The following NUP160 variants were observed in gnomAD, a reference collection of about 807,000 sequenced individuals.
NUP160 encodes the protein nuclear pore complex protein Nup160.
A neutral mutation model predicts 196.9 loss-of-function variants in NUP160; 94 were observed. That is an observed-to-expected ratio of 0.48 (90% CI 0.40 to 0.57). The LOEUF (loss-of-function observed/expected upper bound fraction) is 0.57, where lower values mean the gene tolerates loss of function less well. NUP160 is among the 20% of genes least tolerant of loss of function. NUP160 has a pLI of 0.00. For missense variants in NUP160, 1,638 were observed against 1,748.3 expected (o/e 0.94, Z 1.13); for synonymous variants, 605 against 619.7 (o/e 0.98, Z 0.35).
At chr11:47,809,641 G>A (rs944147076) in intron 17 of NUP160, among the ~76,000 whole-genome samples, 38 of 150,986 alleles carry the variant, frequency 2.5e-4, no homozygotes, top group Non-Finnish European at 5.5e-4. Context: ...CCAGCTACCT[G>A]GGAGGCTGAG....
intron 17 of NUP160, among the ~76,000 whole-genome samples, chr11:47,810,766 G>A (rs180928478): frequency 3.3e-5 from 5 of 151,842 alleles, no homozygotes; most frequent in Admixed American, 2.6e-4. Flanking sequence ...GGCTGGTCTC[G>A]AACTCCTGGC....
At chr11:47,796,360 T>C in intron 27 of NUP160, 1 of 612,328 alleles carries the variant, frequency 1.6e-6, no homozygotes, top group East Asian at 2.8e-5. Flanking sequence ...CAAATGGAAT[T>C]TATCCTTACA....
intron 29 of NUP160, among the ~76,000 whole-genome samples, chr11:47,791,323 AC>A (rs1267309665): frequency 6.6e-6 from 1 of 152,146 alleles, no homozygotes; most frequent in Non-Finnish European, 1.5e-5. Context: ...CACTAGTGAC[AC>A]TTCGTATGGG....
chr11:47,820,398 T>C (rs1017621523), intron 9 of NUP160: 1 of 152,160 alleles, frequency 6.6e-6, no homozygotes, highest in Non-Finnish European at 1.5e-5. Context: ...TTAGGTACAA[T>C]CAACATTAAA....
chr11:47,787,571 T>C (rs1407880459), intron 31 of NUP160, among the ~76,000 whole-genome samples: 1 of 150,484 alleles, frequency 6.6e-6, no homozygotes, highest in Non-Finnish European at 1.5e-5. Flanking sequence ...CTGAAATTAC[T>C]GTTGTGTGCC....
intron 2 of NUP160, among the ~76,000 whole-genome samples, chr11:47,843,115 C>CACATAGAT (rs1852337729): frequency 6.6e-6 from 1 of 152,178 alleles, no homozygotes; most frequent in Non-Finnish European, 1.5e-5. Flanking sequence ...TTCCCAACTG[C>CACATAGAT]ACATAGATAT....
At chr11:47,812,723 T>C (rs947442309) in intron 15 of NUP160, among the ~76,000 whole-genome samples, 159 bp downstream of exon 15, 3 of 152,234 alleles carry the variant, frequency 2.0e-5, no homozygotes, top group Admixed American at 1.3e-4. Flanking sequence ...GTGTTAAATT[T>C]TCTGTTAAAA....
exon 18 of NUP160, chr11:47,808,519 C>T (rs751920265): frequency 4.3e-6 from 7 of 1,613,672 alleles, no homozygotes; most frequent in Middle Eastern, 1.7e-4. Context: ...CTGACCAGTT[C>T]CCCAAATCAC....
intron 3 of NUP160, 135 bp from the exon 4 acceptor site, chr11:47,840,200 T>A: frequency 1.2e-6 from 1 of 851,758 alleles, no homozygotes; most frequent in Non-Finnish European, 1.9e-6. Context: ...TAATGAAAAC[T>A]AATTCTCAAC....
At chr11:47,801,703 G>T in intron 23 of NUP160, 108 bp downstream of exon 23, 1 of 1,058,700 alleles carries the variant, frequency 9.4e-7, no homozygotes, top group Non-Finnish European at 1.4e-6. Flanking sequence ...TGGAAGTTCA[G>T]GGAGCAACTG....
exon 26 of NUP160, chr11:47,797,980 C>T (rs1178650983): frequency 1.3e-6 from 2 of 1,572,476 alleles, no homozygotes; most frequent in Non-Finnish European, 1.7e-6. Context: ...AAAATTACCT[C>T]ATTATGCAGA....
chr11:47,841,598 G>C (rs1427177556), intron 2 of NUP160: 1 of 433,130 alleles, frequency 2.3e-6, no homozygotes, highest in Non-Finnish European at 4.6e-6. Flanking sequence ...AAGACAGCCA[G>C]TGTTACAAGG....
At chr11:47,786,612 T>G in intron 31 of NUP160, 58 bp from the exon 32 acceptor site, 1 of 1,043,574 alleles carries the variant, frequency 9.6e-7, no homozygotes, top group Non-Finnish European at 1.5e-6. Flanking sequence ...CCACTTTAAT[T>G]TGATACTAAA....
chr11:47,842,180 T>G (rs757706131), intron 2 of NUP160, among the ~76,000 whole-genome samples: 53 of 152,058 alleles, frequency 3.5e-4, no homozygotes, highest in Admixed American at 1.6e-3. Flanking sequence ...TCCTGTCCAT[T>G]TCTTCCCCTT....
chr11:47,831,894 C>CTTTTTTTTTTTTTTTTTTTTTT (rs554204043), intron 7 of NUP160, among the ~76,000 whole-genome samples: 2 of 69,982 alleles, frequency 2.9e-5, no homozygotes, highest in African/African-American at 1.2e-4. Context: ...TAATAAATTC[C>CTTTTTTTTTTTTTTTTTTTTTT]TTTTTTTTTT....
chr11:47,819,035 C>T (rs1001802537), intron 10 of NUP160, among the ~76,000 whole-genome samples: 2 of 151,972 alleles, frequency 1.3e-5, no homozygotes, highest in African/African-American at 2.4e-5. Context: ...GAGATTTGGC[C>T]GGGCACGGTG....
At position 47,840,607 on chromosome 11, in the gene NUP160, T is replaced by C. The variant is rs751534795; in HGVS notation, c.315-19A>G. The C allele has an allele frequency of 7.8e-6, 12 of 1,545,498 alleles. No individual in the cohort carries two copies. In the African/African-American group the frequency reaches 1.2e-4, roughly 16 times the overall value. On this transcript the variant is annotated intron_variant, in intron 2 of 35. Coordinates refer to ENST00000378460, the Ensembl canonical transcript of NUP160. Reference sequence around the variant, plus strand: ...GGTCTTCCTGTTGAAAAAGAGACATTTGTTTGAAAAGTTTATGCTTTTCTC... The same window carrying C: ...GGTCTTCCTGTTGAAAAAGAGACATCTGTTTGAAAAGTTTATGCTTTTCTC...
At chr11:47,839,280 G>A (rs1311078796) in intron 4 of NUP160, among the ~76,000 whole-genome samples, 1 of 152,046 alleles carries the variant, frequency 6.6e-6, no homozygotes, top group Non-Finnish European at 1.5e-5. Context: ...TAGTAGAGAC[G>A]GGGTTTCTCC....
intron 1 of NUP160, 54 bp downstream of exon 1, chr11:47,848,165 G>A (rs1852438129): frequency 6.3e-7 from 1 of 1,587,608 alleles, no homozygotes; most frequent in South Asian, 1.1e-5. Context: ...TGGGACCCAT[G>A]AGAGGAGCCC....
Sources: gnomAD v4.1 joint callset for allele counts (sites outside exome capture counted in the v4.1 genomes callset) on GRCh38, gnomAD v4.1.1 for gene constraint, MANE v1.5 for transcripts, NCBI Gene and HGNC (gene_info 2026-07-23, HGNC 2026-07-21) for gene names.